Variants in BRINP3 observed in about 807,000 individuals in gnomAD.
BRINP3 encodes the protein BMP/retinoic acid-inducible neural-specific protein 3.
BRINP3 carries 19 observed loss-of-function variants against 71.0 expected under a neutral mutation model. The observed-to-expected ratio is 0.27, with a 90% CI of 0.19 to 0.39. The LOEUF (loss-of-function observed/expected upper bound fraction) is 0.39, where lower values mean the gene tolerates loss of function less well. Ranked by LOEUF, BRINP3 falls within the 10% of genes least tolerant of loss-of-function variation. BRINP3 has a pLI of 1.00. For missense variants in BRINP3, 959 were observed against 940.8 expected (o/e 1.02, Z -0.25); for synonymous variants, 380 against 337.7 (o/e 1.13, Z -1.37).
At chr1:190,183,693 C>T (rs921806778) in intron 6 of BRINP3, among the ~76,000 whole-genome samples, 15 of 151,346 alleles carry the variant, frequency 9.9e-5, no homozygotes, top group Non-Finnish European at 1.5e-5. Flanking sequence ...GACTTTCTGA[C>T]TTTCCAGTAG....
chr1:190,118,741 C>A (rs560191318), intron 7 of BRINP3, among the ~76,000 whole-genome samples: 1 of 152,154 alleles, frequency 6.6e-6, no homozygotes, highest in South Asian at 2.1e-4. Flanking sequence ...GTATTTCCTT[C>A]AGGCAATTAA....
chr1:190,303,283 A>C (rs952615645), intron 2 of BRINP3, among the ~76,000 whole-genome samples: 3 of 151,800 alleles, frequency 2.0e-5, no homozygotes, highest in Non-Finnish European at 4.4e-5. Context: ...TTATAGTGAT[A>C]ATTTAAATCC....
At chr1:190,435,127 A>C (rs1490785283) in intron 2 of BRINP3, among the ~76,000 whole-genome samples, 1 of 152,182 alleles carries the variant, frequency 6.6e-6, no homozygotes, top group East Asian at 1.9e-4. Context: ...AATTGTTCCT[A>C]CTATGAAACT....
At chr1:190,234,199 T>C (rs1326546222) in intron 5 of BRINP3, among the ~76,000 whole-genome samples, 173 bp downstream of exon 5, 1 of 152,218 alleles carries the variant, frequency 6.6e-6, no homozygotes, top group Non-Finnish European at 1.5e-5. Flanking sequence ...TTTATTCATA[T>C]GGTCTAGAAT....
At chr1:190,295,603 T>C (rs1558154501) in intron 2 of BRINP3, among the ~76,000 whole-genome samples, 1 of 152,102 alleles carries the variant, frequency 6.6e-6, no homozygotes, top group Non-Finnish European at 1.5e-5. Context: ...GGACTCAGGT[T>C]TCTGTTACTT....
chr1:190,104,840 C>T (rs558757860), intron 7 of BRINP3, among the ~76,000 whole-genome samples: 16 of 152,164 alleles, frequency 1.1e-4, no homozygotes, highest in African/African-American at 3.9e-4. Flanking sequence ...TCAAAGGTCC[C>T]TTATTCCAAC....
At chr1:190,422,878 G>T (rs906910991) in intron 2 of BRINP3, among the ~76,000 whole-genome samples, 1 of 151,644 alleles carries the variant, frequency 6.6e-6, no homozygotes, top group African/African-American at 2.4e-5. Context: ...TTACAAAGCT[G>T]GTAACTTCTA....
In BRINP3 at chr1:190,430,440, A is replaced by G. The variant is rs145244306; in HGVS notation, c.236+24215T>C. 3.0e-3 allele frequency among the ~76,000 whole-genome samples: 453 copies of G among 152,262 alleles called. 3 individuals carry two copies. The highest frequency in any genetic ancestry group is 0.01 in the African/African-American group (418 of 41,572). ...GAAAAATATAGGAGGGAAAGATTCA[A>G]TCCTACAATGTGGGGCAATTTTATC... is the stretch of plus-strand genomic sequence containing the variant. On this transcript the variant is annotated intron_variant, in intron 2 of 7. Coordinates refer to ENST00000367462, the MANE Select transcript of BRINP3 (RefSeq NM_199051.3).
At chr1:190,419,078 C>G (rs1010648136) in intron 2 of BRINP3, among the ~76,000 whole-genome samples, 1 of 152,060 alleles carries the variant, frequency 6.6e-6, no homozygotes, top group African/African-American at 2.4e-5. Flanking sequence ...GGTCATTTAA[C>G]TTGTCTAACA....
chr1:190,228,212 G>A (rs1171533477), intron 5 of BRINP3, among the ~76,000 whole-genome samples: 5 of 151,198 alleles, frequency 3.3e-5, no homozygotes, highest in Non-Finnish European at 7.4e-5. Context: ...TACACCTAGT[G>A]ATTTTTTTTT....
intron 2 of BRINP3, among the ~76,000 whole-genome samples, chr1:190,346,030 T>C (rs1668002662): frequency 6.6e-6 from 1 of 151,956 alleles, no homozygotes; most frequent in African/African-American, 2.4e-5. Context: ...AATAGTGACA[T>C]TTTAGAGCAT....
chr1:190,264,472 G>A (rs1220715818), intron 4 of BRINP3, among the ~76,000 whole-genome samples: 1 of 152,088 alleles, frequency 6.6e-6, no homozygotes, highest in African/African-American at 2.4e-5. Context: ...CTTTAAGCCT[G>A]ATAAAGCCTC....
Position 190,098,178 on chromosome 1 carries a change from G to T in BRINP3, c.2141C>A (p.Ser714Tyr). The T allele has an allele frequency of 1.2e-6, 2 of 1,614,136 alleles. No homozygotes were observed. Among genetic ancestry groups the T allele is most frequent in the Non-Finnish European group, 1.7e-6 (2 of 1,180,028 alleles). Residue 714 changes from serine (S) to tyrosine (Y), a missense_variant, in exon 8 of 8, where the codon TCC becomes TAC. Ser to Tyr is a moderately radical substitution (Grantham distance 144). Transcript: ENST00000367462. ...LEIRDRVNKLSPPGQRRLDLF... is the reference protein window; with the variant it reads ...LEIRDRVNKLYPPGQRRLDLF... Reference sequence around the variant, plus strand: ...ATCTAGACGACGCTGACCAGGTGGGGAGAGTTTATTTACACGGTCTCTGAT... The same window carrying T: ...ATCTAGACGACGCTGACCAGGTGGGTAGAGTTTATTTACACGGTCTCTGAT...
rs1160407771 is a variant in BRINP3, at chr1:190,429,978, TAAC to T, written c.236+24674_236+24676del. 2.0e-5 allele frequency among the ~76,000 whole-genome samples: 3 copies of T among 152,270 alleles called. No homozygotes were observed. The South Asian group carries it at 6.2e-4, about 32-fold the overall frequency. Reference sequence around the variant, plus strand: ...GTCTCAAACATATACTTAAGGAACATAACAAAACATAATCTTGTTACATGAGAT... The same window carrying T: ...GTCTCAAACATATACTTAAGGAACATAAAACATAATCTTGTTACATGAGAT... On this transcript the variant is annotated intron_variant, in intron 2 of 7. Coordinates refer to ENST00000367462, the MANE Select transcript of BRINP3 (RefSeq NM_199051.3).
chr1:190,251,456 T>A (rs913442477), intron 4 of BRINP3, among the ~76,000 whole-genome samples: 8 of 151,978 alleles, frequency 5.3e-5, no homozygotes, highest in African/African-American at 1.7e-4. Flanking sequence ...CAATACGTAG[T>A]GATATTGGGA....
At chr1:190,263,497 C>A (rs1661370316) in intron 4 of BRINP3, among the ~76,000 whole-genome samples, 1 of 152,026 alleles carries the variant, frequency 6.6e-6, no homozygotes, top group African/African-American at 2.4e-5. Flanking sequence ...TAATTTTCTC[C>A]AGTACATCCC....
intron 7 of BRINP3, among the ~76,000 whole-genome samples, chr1:190,100,025 T>C (rs1002009923): frequency 4.6e-5 from 7 of 152,212 alleles, no homozygotes. Context: ...TTTGTTGCTT[T>C]CTCATACTGC....
chr1:190,266,330 A>G (rs777186686), intron 3 of BRINP3, among the ~76,000 whole-genome samples: 2 of 152,176 alleles, frequency 1.3e-5, no homozygotes, highest in African/African-American at 4.8e-5. Context: ...CTTAAGTAAG[A>G]GCTCTTACAT....
chr1:190,328,890 T>C (rs2103073524), intron 2 of BRINP3, among the ~76,000 whole-genome samples: 1 of 152,150 alleles, frequency 6.6e-6, no homozygotes, highest in African/African-American at 2.4e-5. Flanking sequence ...GTAAATGTGA[T>C]TCACCACATA....
Sources: allele counts gnomAD v4.1 joint callset (sites outside exome capture counted in the v4.1 genomes callset), GRCh38; gene constraint gnomAD v4.1.1; transcripts MANE v1.5; gene names NCBI Gene and HGNC (gene_info 2026-07-23, HGNC 2026-07-21).